Variants in PCLO observed in about 807,000 individuals in gnomAD.
The protein encoded by PCLO is protein piccolo.
PCLO carries 82 observed loss-of-function variants against 427.5 expected under a neutral mutation model. The ratio of observed to expected loss-of-function variants is 0.19; its 90% CI spans 0.16 to 0.23. The LOEUF is 0.23. Among genes scored for constraint, PCLO ranks in the 10% least tolerant of loss-of-function variants. PCLO has a pLI of 1.00. For synonymous variants in PCLO, 2,357 were observed against 2,155.4 expected, an observed-to-expected ratio of 1.09 and a Z score of -2.59; for missense variants, 6,239 against 6,115.9, an observed-to-expected ratio of 1.02 and a Z score of -0.67.
chr7:83,126,189 T>C (rs1791434761), intron 3 of PCLO, among the ~76,000 whole-genome samples: 1 of 152,146 alleles, frequency 6.6e-6, no homozygotes, highest in Non-Finnish European at 1.5e-5. Flanking sequence ...ATTGAACTCA[T>C]GGCGATAGAC....
At chr7:82,882,978 G>T (rs1021171334) in intron 9 of PCLO, among the ~76,000 whole-genome samples, 29 of 151,890 alleles carry the variant, frequency 1.9e-4, no homozygotes, top group Admixed American at 1.8e-3. Context: ...AATATTATGA[G>T]GTTATAATTA....
At chr7:83,107,593 C>A (rs1465298857) in intron 3 of PCLO, among the ~76,000 whole-genome samples, 3 of 151,358 alleles carry the variant, frequency 2.0e-5, no homozygotes, top group African/African-American at 7.3e-5. Flanking sequence ...AAACTTATTT[C>A]TTGGAAGATA....
At chr7:82,874,613 T>TAC (rs1439570043) in intron 10 of PCLO, among the ~76,000 whole-genome samples, 1 of 152,184 alleles carries the variant, frequency 6.6e-6, no homozygotes, top group Non-Finnish European at 1.5e-5. Context: ...CAGTAGGTTT[T>TAC]ACCTAGTAAA....
chr7:83,012,608 ACT>A (rs1298966111), intron 3 of PCLO, among the ~76,000 whole-genome samples: 1 of 139,300 alleles, frequency 7.2e-6, no homozygotes, highest in Non-Finnish European at 1.5e-5. Context: ...CAAAAGTGAA[ACT>A]CTGTCTCAAG....
rs1795416625 is a variant in PCLO at position 82,953,516 on chromosome 7, A to G, written c.7437T>C (p.Cys2479=). ...GAGGAACAGGAGGAGGTGCAGTAGTACATATTCTTGTAACAGGTAATCCAT... is the reference window on the plus strand; with the variant it reads ...GAGGAACAGGAGGAGGTGCAGTAGTGCATATTCTTGTAACAGGTAATCCAT... The part of the protein sequence containing the change: ...RSNGLPVTRI[C]TTAPPPVPPK... The change falls in exon 5 of 25, where the codon TGT becomes TGC. Residue 2479 remains cysteine (C), a synonymous_variant. Transcript: ENST00000333891. The G allele has an allele frequency of 6.2e-7, 1 of 1,613,542 alleles. No individual in the cohort carries two copies. The highest frequency in any genetic ancestry group is 8.5e-7 in the Non-Finnish European group (1 of 1,179,744).
intron 20 of PCLO, among the ~76,000 whole-genome samples, chr7:82,817,544 C>T (rs1294500423): frequency 6.6e-6 from 1 of 152,086 alleles, no homozygotes; most frequent in African/African-American, 2.4e-5. Flanking sequence ...CCCATCCACC[C>T]ACTACCACTT....
chr7:83,124,466 C>G (rs999321124), intron 3 of PCLO, among the ~76,000 whole-genome samples: 10 of 151,986 alleles, frequency 6.6e-5, no homozygotes, highest in African/African-American at 2.4e-4. Flanking sequence ...ACAATACATT[C>G]TCTCACTCCA....
intron 22 of PCLO, among the ~76,000 whole-genome samples, chr7:82,785,338 C>G (rs376167857): frequency 6.6e-6 from 1 of 152,038 alleles, no homozygotes; most frequent in South Asian, 2.1e-4. Flanking sequence ...TCTGACAGGA[C>G]GCAGAACTCA....
chr7:82,965,984 T>C lies in PCLO; in HGVS notation c.3804A>G (p.Gln1268=), dbSNP rs1795759821. 1 of 1,613,820 alleles carries C rather than the reference T, an allele frequency of 6.2e-7. No individual in the cohort carries two copies. The highest frequency in any genetic ancestry group is 2.2e-5 in the East Asian group (1 of 44,868). ...CAAGCTTTTCTTCAGCAATTTGTAC[T>C]TGAGATTTAAGTAAGTCATGTTTCT... ...EEQKHDLLKS[Q]VQIAEEKLEG... The change falls in exon 4 of 25, where the codon CAA becomes CAG. Residue 1268 remains glutamine (Q), a synonymous_variant. Transcript: ENST00000333891.
At chr7:83,017,475 A>T (rs565361630) in intron 3 of PCLO, among the ~76,000 whole-genome samples, 2 of 152,174 alleles carry the variant, frequency 1.3e-5, no homozygotes, top group African/African-American at 4.8e-5. Context: ...AATACTCAGG[A>T]CACATTTGTC....
chr7:82,950,252 G>GTA lies in PCLO; in HGVS notation c.10334_10335dup (p.Gln3446TyrfsTer14), dbSNP rs765125279. On this transcript the variant is annotated frameshift_variant, in exon 6 of 25. Transcript: ENST00000333891. LOFTEE classifies it high-confidence loss of function. ...TCTGTGGCATCTTCGTCATCCGTTT[G>GTA]TACACCACTGTCCACTATCTTTTTA... is the stretch of plus-strand genomic sequence containing the variant. 1 of 1,613,000 alleles carries GTA rather than the reference G, an allele frequency of 6.2e-7. No homozygotes were observed. Among genetic ancestry groups the GTA allele is most frequent in the Non-Finnish European group, 8.5e-7 (1 of 1,179,748 alleles).
intron 6 of PCLO, among the ~76,000 whole-genome samples, chr7:82,944,195 G>C (rs1029263504): frequency 2.0e-5 from 3 of 150,282 alleles, no homozygotes; most frequent in Non-Finnish European, 3.0e-5. Flanking sequence ...ATGAATAGTG[G>C]GAGGATGAAT....
intron 4 of PCLO, among the ~76,000 whole-genome samples, chr7:82,964,799 G>T (rs759557665): frequency 9.9e-5 from 15 of 152,120 alleles, no homozygotes; most frequent in Non-Finnish European, 2.1e-4. Flanking sequence ...TTTAATGAAA[G>T]GAGACCAGGA....
At chr7:82,788,006 T>C (rs1057066571) in intron 22 of PCLO, among the ~76,000 whole-genome samples, 20 of 151,822 alleles carry the variant, frequency 1.3e-4, no homozygotes, top group African/African-American at 4.8e-4. Context: ...TAAACTACCT[T>C]TTCCACCAAC....
chr7:82,810,721 C>T (rs1266856411), intron 20 of PCLO, among the ~76,000 whole-genome samples: 5 of 151,634 alleles, frequency 3.3e-5, no homozygotes, highest in Non-Finnish European at 7.4e-5. Context: ...TTGTGGCTAA[C>T]CTTAATTAAA....
intron 20 of PCLO, among the ~76,000 whole-genome samples, chr7:82,816,403 T>C (rs1282162038): frequency 6.6e-6 from 1 of 152,044 alleles, no homozygotes; most frequent in Non-Finnish European, 1.5e-5. Flanking sequence ...GTACCCTGAC[T>C]GCCCCCCACT....
chr7:83,062,617 T>C (rs1789568289), intron 3 of PCLO, among the ~76,000 whole-genome samples: 1 of 152,176 alleles, frequency 6.6e-6, no homozygotes, highest in Non-Finnish European at 1.5e-5. Flanking sequence ...GAGTGACTTC[T>C]ATGTGTGAGG....
In PCLO at chr7:82,956,614, T is replaced by C; in HGVS notation, c.4339A>G (p.Lys1447Glu). 3.7e-6 allele frequency: 6 copies of C among 1,613,882 alleles called. No homozygotes were observed. The highest frequency in any genetic ancestry group is 5.1e-6 in the Non-Finnish European group (6 of 1,179,848). ...QPHEVSPEQP[K>E]DQEKTQSLSE... ...AAACTCTGAGTTTTCTCTTGGTCTTTAGGCTGTTCAGGAGAAACTTCATGG... is the reference window on the plus strand; with the variant it reads ...AAACTCTGAGTTTTCTCTTGGTCTTCAGGCTGTTCAGGAGAAACTTCATGG... The change falls in exon 5 of 25, where the codon AAA becomes GAA. Residue 1447 changes from lysine to glutamate, a missense_variant. This residue lies in a region of PCLO where 4,677 missense variants were observed against 4,468.4 expected (regional missense o/e 1.05). Coordinates refer to ENST00000333891, the MANE Select transcript of PCLO (RefSeq NM_033026.6).
At chr7:83,142,124 A>C (rs889949982) in intron 2 of PCLO, among the ~76,000 whole-genome samples, 2 of 152,050 alleles carry the variant, frequency 1.3e-5, no homozygotes, top group African/African-American at 4.8e-5. Flanking sequence ...ATTTAAACAC[A>C]TCAACATAAT....
Sources: allele counts gnomAD v4.1 joint callset (sites outside exome capture counted in the v4.1 genomes callset), GRCh38; gene constraint gnomAD v4.1.1; regional missense constraint gnomAD v4.1.1; transcripts MANE v1.5; gene names NCBI Gene and HGNC (gene_info 2026-07-23, HGNC 2026-07-21).